TTC7A: variants seen among roughly 807,000 people sequenced by gnomAD.
TTC7A encodes the protein tetratricopeptide repeat protein 7A.
A neutral mutation model predicts 103.7 loss-of-function variants in TTC7A; 110 were observed. That is an observed-to-expected ratio of 1.06 (90% CI 0.91 to 1.24). TTC7A has a LOEUF of 1.24. Ranked by LOEUF, TTC7A falls within the 50% of genes most tolerant of loss-of-function variation. TTC7A has a pLI of 0.00. For missense variants in TTC7A, 1,340 were observed against 1,116.3 expected (o/e 1.20, Z -2.86); for synonymous variants, 521 against 467.9 (o/e 1.11, Z -1.47).
intron 3 of TTC7A, among the ~76,000 whole-genome samples, chr2:46,957,793 G>C (rs1021542518): frequency 6.6e-6 from 1 of 152,228 alleles, no homozygotes; most frequent in African/African-American, 2.4e-5. Flanking sequence ...TGCCCAGCCT[G>C]CTGTCCGGAA....
chr2:47,030,134 T>A (rs1410047952), intron 15 of TTC7A, among the ~76,000 whole-genome samples: 1 of 152,220 alleles, frequency 6.6e-6, no homozygotes, highest in Non-Finnish European at 1.5e-5. Flanking sequence ...GACCCCTAAG[T>A]AACCCACTTC....
intron 8 of TTC7A, among the ~76,000 whole-genome samples, chr2:46,997,114 G>T (rs1422500172): frequency 1.3e-5 from 2 of 152,206 alleles, no homozygotes; most frequent in East Asian, 3.9e-4. Flanking sequence ...GAGTGGCTTG[G>T]ATTACAGGTG....
chr2:46,958,059 G>A lies in TTC7A; in HGVS notation c.517+1052G>A, dbSNP rs144415039. Among the ~76,000 whole-genome samples the A allele has an allele frequency of 3.9e-5, 6 of 152,320 alleles. No individual in the cohort carries two copies. In the East Asian group the frequency reaches 7.7e-4, roughly 20 times the overall value. ...CATGCTCTGACTCTGGCCTTGGAGT[G>A]TGAGTCCTCCAAGGCCCTGCAACAC... On this transcript the variant is annotated intron_variant, in intron 3 of 19. Transcript: ENST00000319190.
intron 15 of TTC7A, among the ~76,000 whole-genome samples, chr2:47,030,789 C>T (rs1015788047): frequency 2.0e-5 from 3 of 152,200 alleles, no homozygotes; most frequent in Middle Eastern, 3.2e-3. Flanking sequence ...GCCAACTTGA[C>T]ACAGCCTGTC....
intron 1 of TTC7A, among the ~76,000 whole-genome samples, chr2:46,942,467 A>G (rs988738229): frequency 6.6e-6 from 1 of 152,194 alleles, no homozygotes; most frequent in African/African-American, 2.4e-5. Context: ...GGAGGCAGGG[A>G]ATAAATGAAT....
chr2:46,951,723 G>C, intron 2 of TTC7A: 2 of 453,066 alleles, frequency 4.4e-6, no homozygotes, highest in Non-Finnish European at 8.9e-6. Flanking sequence ...TTTTTAAAGA[G>C]CTATTCCAAA....
Position 47,011,375 on chromosome 2 carries a change from G to C in TTC7A, c.1332G>C (p.Arg444=), listed in dbSNP as rs1198908798. Residue 444 remains arginine (R), a synonymous_variant, in exon 11 of 20, where the codon CGG becomes CGC. Transcript: ENST00000319190. ...VSLLRECVKL[R]PSDPTVPLMA... ...TGCTGCGGGAGTGTGTGAAGTTGCG[G>C]CCCTCGGACCCCACCGTGCCCCTGA... 2.5e-6 allele frequency: 4 copies of C among 1,612,672 alleles called. No individual in the cohort carries two copies. Among genetic ancestry groups the C allele is most frequent in the Non-Finnish European group, 3.4e-6 (4 of 1,179,952 alleles).
intron 1 of TTC7A, among the ~76,000 whole-genome samples, chr2:46,942,676 CA>C (rs1670543104): frequency 6.6e-6 from 1 of 152,226 alleles, no homozygotes; most frequent in Non-Finnish European, 1.5e-5. Context: ...AGGCACAGAG[CA>C]ACTAAATAAC....
chr2:46,955,865 A>G (rs187554175), intron 2 of TTC7A, among the ~76,000 whole-genome samples: 11 of 152,168 alleles, frequency 7.2e-5, no homozygotes, highest in African/African-American at 2.7e-4. Context: ...TTATGGACAG[A>G]TTGGTGCCTG....
At chr2:46,961,576 C>CAAATAAATAAATAAAT (rs58889946) in intron 3 of TTC7A, among the ~76,000 whole-genome samples, 16,486 of 134,864 alleles carry the variant, frequency 0.12, 1,186 homozygotes, top group East Asian at 0.18. Context: ...GACTCCATCT[C>CAAATAAATAAATAAAT]AAATAAATAA....
At chr2:46,969,397 C>G (rs1357707233) in intron 3 of TTC7A, among the ~76,000 whole-genome samples, 1 of 151,932 alleles carries the variant, frequency 6.6e-6, no homozygotes, top group Non-Finnish European at 1.5e-5. Flanking sequence ...GTCCCAGCTA[C>G]TCGGGAGGCT....
intron 19 of TTC7A, among the ~76,000 whole-genome samples, chr2:47,061,610 T>G (rs754466891): frequency 7.9e-5 from 12 of 152,206 alleles, no homozygotes; most frequent in Non-Finnish European, 1.8e-4. Flanking sequence ...GGGAGCAGGA[T>G]GCTGATACTC....
chr2:46,989,866 G>A (rs986569838), intron 5 of TTC7A, among the ~76,000 whole-genome samples: 1 of 151,826 alleles, frequency 6.6e-6, no homozygotes, highest in Admixed American at 6.6e-5. Context: ...GTTTTGGAGG[G>A]GAGTCTGCAT....
chr2:46,989,971 G>A (rs1675450842), intron 5 of TTC7A, among the ~76,000 whole-genome samples: 1 of 152,184 alleles, frequency 6.6e-6, no homozygotes. Flanking sequence ...TGCAGAGAGA[G>A]GACAGTCCTT....
intron 15 of TTC7A, among the ~76,000 whole-genome samples, chr2:47,041,266 C>G (rs1681714577): frequency 6.6e-6 from 1 of 152,236 alleles, no homozygotes; most frequent in Non-Finnish European, 1.5e-5. Context: ...AATCAAGTAA[C>G]AGGCTCCAGG....
At chr2:47,047,445 C>G (rs537113151) in intron 16 of TTC7A, 4 of 705,720 alleles carry the variant, frequency 5.7e-6, no homozygotes, top group African/African-American at 3.6e-5. Flanking sequence ...GAAGGAGGCT[C>G]TGGGGTTGAG....
intron 3 of TTC7A, among the ~76,000 whole-genome samples, chr2:46,960,555 C>A (rs920204932): frequency 8.5e-5 from 13 of 152,214 alleles, no homozygotes; most frequent in African/African-American, 2.9e-4. Context: ...CCTCCCCAAA[C>A]TCACTGAATC....
chr2:47,013,595 G>A (rs888599829), intron 11 of TTC7A, among the ~76,000 whole-genome samples: 5 of 152,196 alleles, frequency 3.3e-5, no homozygotes, highest in South Asian at 2.1e-4. Context: ...GCCAACGGCC[G>A]CCCTTGCCAG....
chr2:47,071,052 G>A (rs980091928), intron 19 of TTC7A: 3 of 152,344 alleles, frequency 2.0e-5, no homozygotes, highest in African/African-American at 7.2e-5. Context: ...CTCCCAGGAG[G>A]CCTGTTCTCT....
Sources: allele counts gnomAD v4.1 joint callset (sites outside exome capture counted in the v4.1 genomes callset), GRCh38; gene constraint gnomAD v4.1.1; transcripts MANE v1.5; gene names NCBI Gene and HGNC (gene_info 2026-07-23, HGNC 2026-07-21).